Variants in MTHFD1L observed in about 807,000 individuals in gnomAD.
MTHFD1L encodes monofunctional C1-tetrahydrofolate synthase, mitochondrial.
Under a neutral mutation model 119.5 loss-of-function variants are expected in MTHFD1L, and 81 were observed. The ratio of observed to expected loss-of-function variants is 0.68; its 90% CI spans 0.57 to 0.82. The LOEUF is 0.82. Among genes scored for constraint, MTHFD1L ranks in the 40% least tolerant of loss-of-function variants. The pLI is 0.00. For synonymous variants in MTHFD1L, 430 were observed against 475.2 expected (o/e 0.90, Z 1.24); for missense variants, 1,125 against 1,253.4 (o/e 0.90, Z 1.55).
intron 16 of MTHFD1L, among the ~76,000 whole-genome samples, chr6:150,950,076 T>C (rs1794623263): frequency 6.6e-6 from 1 of 152,204 alleles, no homozygotes; most frequent in Non-Finnish European, 1.5e-5. Context: ...TCCCGACTAA[T>C]AGATTATCTT....
chr6:151,064,846 A>G (rs528760488), intron 26 of MTHFD1L, among the ~76,000 whole-genome samples: 93 of 150,598 alleles, frequency 6.2e-4, no homozygotes, highest in African/African-American at 2.2e-3. Context: ...TCTGTCACCC[A>G]GGCTGGAGTG....
At chr6:151,012,139 C>A (rs1194668310) in intron 21 of MTHFD1L, among the ~76,000 whole-genome samples, 1 of 150,752 alleles carries the variant, frequency 6.6e-6, no homozygotes, top group Non-Finnish European at 1.5e-5. Context: ...TTCATGAATG[C>A]CTTGTTCTGT....
chr6:151,007,841 A>G (rs980414492), intron 20 of MTHFD1L, among the ~76,000 whole-genome samples: 1 of 152,272 alleles, frequency 6.6e-6, no homozygotes, highest in Non-Finnish European at 1.5e-5. Flanking sequence ...TAAAATCACA[A>G]GATTTGTCCC....
In MTHFD1L at chr6:150,945,484, G is replaced by A. The variant is rs1793772132; in HGVS notation, c.1566G>A (p.Leu522=). 1 of 1,613,824 alleles carries A rather than the reference G, an allele frequency of 6.2e-7. No homozygotes were observed. Among genetic ancestry groups the A allele is most frequent in the Non-Finnish European group, 8.5e-7 (1 of 1,179,934 alleles). Residue 522 remains leucine (L), a synonymous_variant, in exon 15 of 28, where the codon CTG becomes CTA. Coordinates refer to ENST00000367321, the MANE Select transcript of MTHFD1L (RefSeq NM_015440.5). ...TQTDKALYNR[L]VPLVNGVREF... ...GTTTTTAGGCTCTGTATAATCGGCT[G>A]GTTCCTTTAGTGAATGGTGTCAGAG...
At chr6:150,896,503 G>A (rs1784245175) in intron 7 of MTHFD1L, among the ~76,000 whole-genome samples, 2 of 152,136 alleles carry the variant, frequency 1.3e-5, no homozygotes, top group Admixed American at 6.6e-5. Flanking sequence ...ACCCTCCTGG[G>A]CATCACAGCC....
At chr6:151,000,317 C>T (rs1240098657) in intron 20 of MTHFD1L, among the ~76,000 whole-genome samples, 1 of 141,098 alleles carries the variant, frequency 7.1e-6, no homozygotes, top group Non-Finnish European at 1.5e-5. Flanking sequence ...AGCCTGGCAA[C>T]AGGGAGAGAC....
intron 2 of MTHFD1L, 143 bp downstream of exon 2, chr6:150,876,317 CT>C: frequency 1.5e-6 from 1 of 685,608 alleles, no homozygotes; most frequent in Non-Finnish European, 2.4e-6. Context: ...TCTTTTGCTT[CT>C]TTGGGGTCAC....
intron 4 of MTHFD1L, among the ~76,000 whole-genome samples, chr6:150,878,256 TC>T (rs1370928972): frequency 2.1e-5 from 3 of 141,496 alleles, no homozygotes; most frequent in South Asian, 4.7e-4. Flanking sequence ...TCTCTCTCTC[TC>T]TTTTTTTTTT....
intron 24 of MTHFD1L, among the ~76,000 whole-genome samples, chr6:151,026,819 CCTTTT>C (rs1784660524): frequency 1.9e-5 from 1 of 53,884 alleles, no homozygotes; most frequent in African/African-American, 6.0e-5. Context: ...TCCTTTCTAT[CCTTTT>C]TTTTTTTTTT....
chr6:151,101,298 C>G (rs940087849), intron 27 of MTHFD1L, among the ~76,000 whole-genome samples: 2 of 152,210 alleles, frequency 1.3e-5, no homozygotes, highest in African/African-American at 4.8e-5. Flanking sequence ...TAGAATGCTG[C>G]ATGGCGTAGC....
intron 26 of MTHFD1L, among the ~76,000 whole-genome samples, chr6:151,038,074 AT>A (rs1786459408): frequency 6.6e-6 from 1 of 152,224 alleles, no homozygotes; most frequent in Non-Finnish European, 1.5e-5. Context: ...TTCATCTAAT[AT>A]TGGACACAAT....
chr6:151,085,081 C>T (rs1208737925), intron 26 of MTHFD1L, among the ~76,000 whole-genome samples: 3 of 148,882 alleles, frequency 2.0e-5, no homozygotes, highest in Non-Finnish European at 3.0e-5. Flanking sequence ...CAAAAATTAC[C>T]TGTGAGTAAT....
At chr6:150,939,093 A>G (rs3734418) in intron 13 of MTHFD1L, 81,740 of 238,730 alleles carry the variant, frequency 0.34, 17,317 homozygotes, top group African/African-American at 0.64. Context: ...CAAAAAATTC[A>G]GAATCTTGAA....
intron 7 of MTHFD1L, among the ~76,000 whole-genome samples, chr6:150,900,291 T>C (rs908846771): frequency 2.0e-5 from 3 of 152,076 alleles, no homozygotes; most frequent in Admixed American, 6.6e-5. Flanking sequence ...GGCCACACCC[T>C]TTTCCCTTAG....
chr6:150,896,260 T>G (rs942793994), intron 7 of MTHFD1L, among the ~76,000 whole-genome samples: 1 of 152,222 alleles, frequency 6.6e-6, no homozygotes, highest in African/African-American at 2.4e-5. Context: ...TTCACTCTTA[T>G]TTTGTTTTGA....
chr6:150,886,360 C>T (rs1195669051), intron 6 of MTHFD1L, among the ~76,000 whole-genome samples: 1 of 148,590 alleles, frequency 6.7e-6, no homozygotes, highest in African/African-American at 2.5e-5. Flanking sequence ...CGCTTGAGCC[C>T]AGGAGTTTGA....
Position 151,012,307 on chromosome 6 carries a change from A to T in MTHFD1L, c.2266-1472A>T, listed in dbSNP as rs1465019113. ...CTTAATCCTCTATTCCATAGTGCTC[A>T]TCTCGGTGTCCTTCCTTCATATTGA... On this transcript the variant is annotated intron_variant, in intron 21 of 27. Transcript: ENST00000367321. Among the ~76,000 whole-genome samples the T allele has an allele frequency of 4.0e-5, 6 of 150,108 alleles. No homozygotes were observed. The East Asian group carries it at 1.2e-3, about 29-fold the overall frequency.
chr6:150,935,479 A>G, intron 11 of MTHFD1L: 3 of 1,606,828 alleles, frequency 1.9e-6, no homozygotes, highest in Non-Finnish European at 2.6e-6. Flanking sequence ...GTGCAATCAT[A>G]GGAGATGGCC....
chr6:150,975,728 C>T (rs1283478069), intron 20 of MTHFD1L, among the ~76,000 whole-genome samples: 1 of 152,208 alleles, frequency 6.6e-6, no homozygotes, highest in African/African-American at 2.4e-5. Context: ...CGCCCTGGCC[C>T]CTCCTAGGTT....
Sources: allele counts gnomAD v4.1 joint callset (sites outside exome capture counted in the v4.1 genomes callset), GRCh38; gene constraint gnomAD v4.1.1; transcripts MANE v1.5; gene names NCBI Gene and HGNC (gene_info 2026-07-23, HGNC 2026-07-21).